The following CNTNAP2 variants were observed in gnomAD, a reference collection of about 807,000 sequenced individuals.
The protein encoded by CNTNAP2 is contactin-associated protein-like 2.
In CNTNAP2, 98 loss-of-function variants were observed where a neutral mutation model predicts 155.2. The ratio of observed to expected loss-of-function variants is 0.63; its 90% CI spans 0.54 to 0.75. The LOEUF is 0.75. Ranked by LOEUF, CNTNAP2 falls within the 30% of genes least tolerant of loss-of-function variation. The pLI is 0.00. For missense variants in CNTNAP2, 1,727 were observed against 1,688.1 expected, an observed-to-expected ratio of 1.02 and a Z score of -0.40; for synonymous variants, 651 against 631.2, an observed-to-expected ratio of 1.03 and a Z score of -0.47.
intron 3 of CNTNAP2, among the ~76,000 whole-genome samples, chr7:146,922,582 G>C (rs1221564854): frequency 1.3e-5 from 2 of 152,148 alleles, no homozygotes; most frequent in African/African-American, 4.8e-5. Context: ...GGTGAGAATT[G>C]AAGAGAGGCA....
chr7:146,291,159 A>G (rs1563023842), intron 1 of CNTNAP2, among the ~76,000 whole-genome samples: 4 of 152,178 alleles, frequency 2.6e-5, no homozygotes, highest in South Asian at 4.1e-4. Context: ...AGATTTTTCT[A>G]AGAAAGAAGT....
chr7:147,611,120 G>A (rs1801176709), intron 12 of CNTNAP2, among the ~76,000 whole-genome samples: 1 of 151,956 alleles, frequency 6.6e-6, no homozygotes, highest in Non-Finnish European at 1.5e-5. Context: ...TGAAGAGCAA[G>A]CAATACGTTA....
chr7:147,592,499 T>C (rs530456710), intron 12 of CNTNAP2, among the ~76,000 whole-genome samples: 88 of 150,146 alleles, frequency 5.9e-4, no homozygotes, highest in Non-Finnish European at 1.1e-3. Context: ...TTGCAAATGA[T>C]TAAGCTGTAC....
chr7:147,837,179 T>C (rs1262389161), intron 13 of CNTNAP2, among the ~76,000 whole-genome samples: 2 of 152,192 alleles, frequency 1.3e-5, no homozygotes, highest in African/African-American at 4.8e-5. Context: ...AGAGGTTTAA[T>C]GGACTCACAG....
intron 11 of CNTNAP2, among the ~76,000 whole-genome samples, chr7:147,526,037 C>T (rs987739164): frequency 2.6e-5 from 4 of 151,572 alleles, no homozygotes; most frequent in Admixed American, 2.6e-4. Flanking sequence ...TACTAAAATA[C>T]AAAAATTAGC....
intron 9 of CNTNAP2, among the ~76,000 whole-genome samples, chr7:147,308,199 T>C (rs1030074917): frequency 2.0e-5 from 3 of 152,156 alleles, no homozygotes; most frequent in African/African-American, 7.2e-5. Context: ...TGGAACCCGA[T>C]ATCCAGCTGG....
intron 21 of CNTNAP2, among the ~76,000 whole-genome samples, chr7:148,333,453 T>G (rs1798066857): frequency 6.6e-6 from 1 of 151,262 alleles, no homozygotes; most frequent in Non-Finnish European, 1.5e-5. Flanking sequence ...AACACTCATT[T>G]TTTAGGTGAA....
chr7:147,110,018 A>G (rs1209931252), intron 5 of CNTNAP2, among the ~76,000 whole-genome samples: 2 of 152,004 alleles, frequency 1.3e-5, no homozygotes, highest in Non-Finnish European at 2.9e-5. Flanking sequence ...TCTGCCTCCC[A>G]GGCTTAAGTG....
chr7:147,719,667 A>C (rs932730679), intron 13 of CNTNAP2, among the ~76,000 whole-genome samples: 2 of 152,112 alleles, frequency 1.3e-5, no homozygotes. Flanking sequence ...TTTCAACACA[A>C]CTAGGGAACT....
chr7:146,862,039 A>C (rs2129205336), intron 3 of CNTNAP2, among the ~76,000 whole-genome samples: 1 of 152,252 alleles, frequency 6.6e-6, no homozygotes, highest in Non-Finnish European at 1.5e-5. Flanking sequence ...ATAAAGGCTA[A>C]CATGCCCATT....
At position 148,371,861 on chromosome 7, in the gene CNTNAP2, A is replaced by G. The variant is rs145409063; in HGVS notation, c.3476-11788A>G. Among the ~76,000 whole-genome samples the G allele has an allele frequency of 2.2e-3, 328 of 152,288 alleles. 1 individual carries two copies. The highest frequency in any genetic ancestry group is 0.01 in the Middle Eastern group (3 of 294). The stretch of plus-strand genomic sequence containing the variant: ...CTGTAGGCAACGGTAACACAACGGT[A>G]TTTGTTCACTAAACATAGACAAAGT... On this transcript the variant is annotated intron_variant, in intron 21 of 23. Coordinates refer to ENST00000361727, the MANE Select transcript of CNTNAP2 (RefSeq NM_014141.6).
chr7:147,240,089 T>A (rs1452987759), intron 8 of CNTNAP2, among the ~76,000 whole-genome samples: 4 of 152,154 alleles, frequency 2.6e-5, no homozygotes, highest in Non-Finnish European at 5.9e-5. Flanking sequence ...CTCATTTTTT[T>A]AATCCATAGA....
chr7:147,423,509 CCT>C (rs1009716453), intron 10 of CNTNAP2, among the ~76,000 whole-genome samples: 8 of 152,172 alleles, frequency 5.3e-5, no homozygotes, highest in Non-Finnish European at 1.0e-4. Context: ...CACTAAACCT[CCT>C]CTCTATGGAA....
chr7:148,000,461 C>A (rs1029455542), intron 15 of CNTNAP2, among the ~76,000 whole-genome samples: 4 of 152,124 alleles, frequency 2.6e-5, no homozygotes, highest in African/African-American at 7.2e-5. Flanking sequence ...ATTTAATCCT[C>A]GCAAGTATAT....
At chr7:147,449,538 G>C (rs941508730) in intron 10 of CNTNAP2, among the ~76,000 whole-genome samples, 2 of 152,156 alleles carry the variant, frequency 1.3e-5, no homozygotes, top group Admixed American at 6.5e-5. Flanking sequence ...GTGGAAGACA[G>C]CTTACACTTC....
At chr7:146,253,548 C>T (rs1410538964) in intron 1 of CNTNAP2, among the ~76,000 whole-genome samples, 2 of 152,082 alleles carry the variant, frequency 1.3e-5, no homozygotes, top group Non-Finnish European at 2.9e-5. Flanking sequence ...TTTTATATTC[C>T]AGTGTATGTT....
chr7:146,481,774 A>T (rs577276330), intron 1 of CNTNAP2, among the ~76,000 whole-genome samples: 2 of 152,192 alleles, frequency 1.3e-5, no homozygotes, highest in African/African-American at 4.8e-5. Context: ...TATAACCAAG[A>T]TCCAGTGGGC....
chr7:146,707,879 A>C (rs1007972868), intron 1 of CNTNAP2, among the ~76,000 whole-genome samples: 3 of 152,138 alleles, frequency 2.0e-5, no homozygotes, highest in Non-Finnish European at 2.9e-5. Context: ...TTGATAACTG[A>C]TGGAGAAGTA....
At chr7:146,956,960 G>A (rs1324545726) in intron 3 of CNTNAP2, among the ~76,000 whole-genome samples, 1 of 152,084 alleles carries the variant, frequency 6.6e-6, no homozygotes, top group Non-Finnish European at 1.5e-5. Context: ...TTAGTGACAG[G>A]GATACCTTTT....
Sources: allele counts gnomAD v4.1 joint callset (sites outside exome capture counted in the v4.1 genomes callset), GRCh38; gene constraint gnomAD v4.1.1; transcripts MANE v1.5; gene names NCBI Gene and HGNC (gene_info 2026-07-23, HGNC 2026-07-21).